The following FREM3 variants were observed in gnomAD, a reference collection of about 807,000 sequenced individuals.
FREM3 encodes the protein FRAS1 related extracellular matrix 3, also known as FRAS1-related extracellular matrix protein 3.
A neutral mutation model predicts 129.1 loss-of-function variants in FREM3; 105 were observed. The ratio of observed to expected loss-of-function variants is 0.81; its 90% CI spans 0.69 to 0.96. The LOEUF is 0.96. Among genes scored for constraint, FREM3 ranks in the 40% least tolerant of loss-of-function variants. FREM3 has a pLI of 0.00. For synonymous variants in FREM3, 1,014 were observed against 1,044.9 expected, an observed-to-expected ratio of 0.97 and a Z score of 0.57; for missense variants, 2,593 against 2,666.3, an observed-to-expected ratio of 0.97 and a Z score of 0.61.
chr4:143,695,612 C>G lies in FREM3; in HGVS notation c.5064G>C (p.Leu1688=). 1 of 1,537,304 alleles carries G rather than the reference C, an allele frequency of 6.5e-7. No individual in the cohort carries two copies. The highest frequency in any genetic ancestry group is 1.2e-5 in the South Asian group (1 of 84,058). ...GGGGACTGTCCTGATCTTCTGCCTT[C>G]AGAGACTTGCTGGTAATCAGGAAGC... The part of the protein sequence containing the change: ...HMGFLITSKS[L]KAEDQDSPHR... The change falls in exon 1 of 8, where the codon CTG becomes CTC. Residue 1688 remains leucine (L), a synonymous_variant. Coordinates refer to ENST00000329798, the MANE Select transcript of FREM3 (RefSeq NM_001168235.2).
rs1739006819 is a variant in FREM3, at chr4:143,624,285, T to C, written c.5476A>G (p.Thr1826Ala). Residue 1826 changes from threonine to alanine, a missense_variant, in exon 4 of 8, where the codon ACC (threonine) becomes GCC (alanine). Physicochemically the swap from Thr to Ala is moderately conservative, Grantham distance 58. Transcript: ENST00000329798. Reference sequence around the variant, plus strand: ...GGATTGAACTGGATCTGTTTATTGGTCTTCCATTTGAAATCTTTGTCTTTT... The same window carrying C: ...GGATTGAACTGGATCTGTTTATTGGCCTTCCATTTGAAATCTTTGTCTTTT... ...AKKDKDFKWK[T>A]NKQIQFNPGQ... The C allele has an allele frequency of 2.0e-6, 3 of 1,537,094 alleles. No individual in the cohort carries two copies. The highest frequency in any genetic ancestry group is 3.9e-5 in the Admixed American group (2 of 51,000).
At position 143,695,548 on chromosome 4, in the gene FREM3, G is replaced by A; in HGVS notation, c.5128C>T (p.His1710Tyr). 2 of 1,537,466 alleles carry A rather than the reference G, an allele frequency of 1.3e-6. No individual in the cohort carries two copies. Among genetic ancestry groups the A allele is most frequent in the Non-Finnish European group, 1.7e-6 (2 of 1,146,928 alleles). The part of the protein sequence containing the change: ...LKYKVTRGPE[H>Y]GFIIKTGLGN... Reference sequence around the variant, plus strand: ...AGGCCAGTTTTGATAATGAAGCCATGCTCTGGTCCTCTGGTCACTTTATAC... The same window carrying A: ...AGGCCAGTTTTGATAATGAAGCCATACTCTGGTCCTCTGGTCACTTTATAC... The change falls in exon 1 of 8, where the codon CAT becomes TAT. Residue 1710 changes from histidine (H) to tyrosine (Y), a missense_variant. Transcript: ENST00000329798.
intron 1 of FREM3, 116 bp downstream of exon 1, chr4:143,695,375 A>G (rs1740545036): frequency 7.8e-6 from 7 of 896,568 alleles, no homozygotes; most frequent in Admixed American, 3.1e-5. Flanking sequence ...ACTGTATTTT[A>G]TTAGAACAAG....
At chr4:143,674,305 G>T (rs1330249656) in intron 2 of FREM3, among the ~76,000 whole-genome samples, 1 of 152,128 alleles carries the variant, frequency 6.6e-6, no homozygotes, top group Non-Finnish European at 1.5e-5. Context: ...TTCATAAGTG[G>T]AGGAGAAATA....
intron 2 of FREM3, among the ~76,000 whole-genome samples, chr4:143,686,504 C>G (rs564025486): frequency 3.9e-5 from 6 of 152,122 alleles, no homozygotes; most frequent in Admixed American, 3.9e-4. Flanking sequence ...AACACTGTAT[C>G]CAGCAATAGC....
intron 6 of FREM3, among the ~76,000 whole-genome samples, chr4:143,595,124 C>G (rs1383242745): frequency 1.3e-5 from 2 of 152,284 alleles, no homozygotes; most frequent in African/African-American, 4.8e-5. Context: ...ACGCTTAATG[C>G]CAGGTTTTGC....
intron 2 of FREM3, among the ~76,000 whole-genome samples, chr4:143,643,261 G>T (rs1739353779): frequency 6.6e-6 from 1 of 152,056 alleles, no homozygotes. Context: ...TAATCCCACT[G>T]CTGGGTATAT....
rs1255195027 is a variant in FREM3 at position 143,698,469 on chromosome 4, T to C, written c.2207A>G (p.Asp736Gly). The C allele has an allele frequency of 6.5e-7, 1 of 1,537,858 alleles. No individual in the cohort carries two copies. The highest frequency in any genetic ancestry group is 1.2e-5 in the South Asian group (1 of 84,052). The change falls in exon 1 of 8, where the codon GAT becomes GGT. Residue 736 changes from aspartate to glycine, a missense_variant. Asp to Gly is a moderately conservative substitution (Grantham distance 94, BLOSUM62 -1). Transcript: ENST00000329798. ...TAGGGTGTACCATAGGTTCTGGTCA[T>C]CAGAGTCCTGGTCAATGTATCGGAG... ...NFLRYIDQDSDDQNLWYTLLT... is the reference protein window; with the variant it reads ...NFLRYIDQDSGDQNLWYTLLT...
intron 7 of FREM3, among the ~76,000 whole-genome samples, chr4:143,584,302 G>A (rs934332629): frequency 3.3e-5 from 5 of 151,862 alleles, no homozygotes; most frequent in East Asian, 1.9e-4. Flanking sequence ...CCAGCTACTC[G>A]GGAGGCTGAG....
At chr4:143,651,724 A>G (rs1193489027) in intron 2 of FREM3, among the ~76,000 whole-genome samples, 3 of 152,200 alleles carry the variant, frequency 2.0e-5, no homozygotes, top group African/African-American at 7.2e-5. Flanking sequence ...TGCAAATCCA[A>G]TGTCGACATC....
intron 2 of FREM3, among the ~76,000 whole-genome samples, chr4:143,686,517 A>G (rs1740366890): frequency 6.6e-6 from 1 of 152,218 alleles, no homozygotes; most frequent in South Asian, 2.1e-4. Context: ...GCAATAGCAG[A>G]ATACACATTC....
intron 2 of FREM3, among the ~76,000 whole-genome samples, chr4:143,653,279 G>T (rs773319098): frequency 5.9e-5 from 9 of 152,180 alleles, no homozygotes; most frequent in Non-Finnish European, 1.0e-4. Flanking sequence ...ATTCTCATCT[G>T]GGACCTCAAA....
intron 2 of FREM3, among the ~76,000 whole-genome samples, chr4:143,659,269 A>C (rs1234761911): frequency 6.6e-6 from 1 of 150,714 alleles, no homozygotes; most frequent in Non-Finnish European, 1.5e-5. Flanking sequence ...CAGTCCCCAG[A>C]GTGTGATGTT....
At chr4:143,674,355 A>T (rs6811380) in intron 2 of FREM3, among the ~76,000 whole-genome samples, 11 of 152,120 alleles carry the variant, frequency 7.2e-5, no homozygotes, top group Non-Finnish European at 1.2e-4. Flanking sequence ...AGATTTTGTC[A>T]CCACCAGGCC....
chr4:143,689,462 A>C (rs1199145009), intron 2 of FREM3, among the ~76,000 whole-genome samples: 1 of 152,206 alleles, frequency 6.6e-6, no homozygotes, highest in Non-Finnish European at 1.5e-5. Flanking sequence ...CCACTACAGA[A>C]AATAGTGTGG....
At position 143,616,474 on chromosome 4, in the gene FREM3, G is replaced by A. The variant is rs538323444; in HGVS notation, c.5779+4563C>T. ...AAAAGAAAGTCTTTCACCTGGACAT[G>A]CTTGGAACCCTTTAAGAATTATCCA... On this transcript the variant is annotated intron_variant, in intron 5 of 7. Coordinates refer to ENST00000329798, the MANE Select transcript of FREM3 (RefSeq NM_001168235.2). 3.2e-4 allele frequency among the ~76,000 whole-genome samples: 49 copies of A among 152,274 alleles called. 2 individuals carry two copies. In the South Asian group the frequency reaches 0.01, roughly 32 times the overall value.
chr4:143,617,637 C>A (rs1210349691), intron 5 of FREM3, among the ~76,000 whole-genome samples: 2 of 151,074 alleles, frequency 1.3e-5, no homozygotes, highest in Non-Finnish European at 2.9e-5. Flanking sequence ...CCAGATATAG[C>A]CAGCTCCATA....
intron 2 of FREM3, among the ~76,000 whole-genome samples, chr4:143,672,412 C>T (rs188256600): frequency 6.6e-6 from 1 of 152,314 alleles, no homozygotes; most frequent in East Asian, 1.9e-4. Flanking sequence ...CTTTGGACCT[C>T]AACCACTTGT....
intron 1 of FREM3, among the ~76,000 whole-genome samples, 195 bp from the exon 2 acceptor site, chr4:143,693,397 G>T (rs1740507967): frequency 6.6e-6 from 1 of 152,182 alleles, no homozygotes; most frequent in Admixed American, 6.6e-5. Context: ...GTCTCAATGA[G>T]GTACCATCTC....
Sources: gnomAD v4.1 joint callset for allele counts (sites outside exome capture counted in the v4.1 genomes callset) on GRCh38, gnomAD v4.1.1 for gene constraint, MANE v1.5 for transcripts, NCBI Gene and HGNC (gene_info 2026-07-23, HGNC 2026-07-21) for gene names.